The following SAMD12 variants were observed in gnomAD, a reference collection of about 807,000 sequenced individuals.
SAMD12 encodes the protein sterile alpha motif domain-containing protein 12.
In SAMD12, 9 loss-of-function variants were observed where a neutral mutation model predicts 15.0. The observed-to-expected ratio is 0.60, with a 90% CI of 0.36 to 1.05. SAMD12 has a LOEUF of 1.05. Ranked by LOEUF, SAMD12 falls within the 50% of genes least tolerant of loss-of-function variation. The pLI, the probability that SAMD12 is intolerant of heterozygous loss-of-function variation, is 0.01. For missense variants in SAMD12, 230 were observed against 234.2 expected (o/e 0.98, Z 0.12); for synonymous variants, 86 against 90.1 (o/e 0.96, Z 0.25).
chr8:118,358,091 G>A (rs956465460), intron 4 of SAMD12, among the ~76,000 whole-genome samples: 2 of 152,200 alleles, frequency 1.3e-5, no homozygotes, highest in Non-Finnish European at 2.9e-5. Flanking sequence ...GCTGCAGTGA[G>A]CTGTGACTGC....
intron 4 of SAMD12, among the ~76,000 whole-genome samples, chr8:118,219,180 A>G (rs1014015341): frequency 6.6e-6 from 1 of 152,114 alleles, no homozygotes; most frequent in Non-Finnish European, 1.5e-5. Context: ...ATACACGTCT[A>G]TGACGTGCAT....
At chr8:118,269,631 T>A (rs1459311562) in intron 4 of SAMD12, among the ~76,000 whole-genome samples, 1 of 152,182 alleles carries the variant, frequency 6.6e-6, no homozygotes, top group African/African-American at 2.4e-5. Context: ...TCTGTCATGC[T>A]CTATTACAGC....
intron 3 of SAMD12, among the ~76,000 whole-genome samples, chr8:118,383,784 C>T (rs1282762317): frequency 6.6e-6 from 1 of 152,140 alleles, no homozygotes; most frequent in Non-Finnish European, 1.5e-5. Context: ...TTACTCCCTG[C>T]CTTTTACTCT....
intron 2 of SAMD12, among the ~76,000 whole-genome samples, chr8:118,538,465 GC>G (rs1327249735): frequency 1.3e-5 from 2 of 152,178 alleles, no homozygotes; most frequent in African/African-American, 4.8e-5. Context: ...CTCCATTAGG[GC>G]TGGTTTAAAT....
At chr8:118,188,333 A>T (rs534116680), downstream of SAMD12, among the ~76,000 whole-genome samples, 113 of 152,304 alleles carry the variant, frequency 7.4e-4, no homozygotes, top group African/African-American at 2.5e-3. Context: ...ACTGACAAAA[A>T]GGTGGCTCCA....
At position 118,378,914 on chromosome 8, in the gene SAMD12, A is replaced by G. The variant is rs750130255; in HGVS notation, c.*503T>C. On this transcript the variant is annotated 3_prime_UTR_variant, in exon 4 of 4. Coordinates refer to ENST00000314727, the MANE Select transcript of SAMD12 (RefSeq NM_207506.3). ...ATTTATAATTCCTGTTAAGAATTATATACTCTTAACAGTGTAGTTTTAGAT... is the reference window on the plus strand; with the variant it reads ...ATTTATAATTCCTGTTAAGAATTATGTACTCTTAACAGTGTAGTTTTAGAT... 7.5e-5 allele frequency: 70 copies of G among 936,476 alleles called. No homozygotes were observed. Among genetic ancestry groups the G allele is most frequent in the South Asian group, 1.5e-4 (3 of 20,402 alleles). The allele number at this position is 936,476 out of a possible 1,614,324, so 58.0% of individuals were successfully genotyped here.
At chr8:118,249,276 T>A (rs1452240077) in intron 4 of SAMD12, among the ~76,000 whole-genome samples, 1 of 152,196 alleles carries the variant, frequency 6.6e-6, no homozygotes, top group Non-Finnish European at 1.5e-5. Flanking sequence ...CTTCCATTAC[T>A]GCTCATTGTG....
chr8:118,190,765 A>C (rs1563685692), exon 5 of SAMD12: 1 of 152,224 alleles, frequency 6.6e-6, no homozygotes, highest in African/African-American at 2.4e-5. Flanking sequence ...CCATCTGCTA[A>C]GGAGGGACAG....
chr8:118,400,977 C>T (rs1820841353), intron 3 of SAMD12, among the ~76,000 whole-genome samples: 1 of 152,202 alleles, frequency 6.6e-6, no homozygotes, highest in Non-Finnish European at 1.5e-5. Context: ...TCAAATGTTA[C>T]AACTTCACTA....
chr8:118,294,395 TAA>T lies in SAMD12; in HGVS notation c.433+85163_433+85164del, dbSNP rs1188636065. On this transcript the variant is annotated intron_variant, in intron 4 of 4. Transcript: ENST00000409003. ...TGCGGCGTCATCAGCAAATGGAACA[TAA>T]AGTTAATTGTTTCACCAGAGGAAGA... is the stretch of plus-strand genomic sequence containing the variant. 2.0e-5 allele frequency among the ~76,000 whole-genome samples: 3 copies of T among 152,324 alleles called. No homozygotes were observed. The South Asian group carries it at 6.2e-4, about 32-fold the overall frequency.
chr8:118,498,304 A>C (rs1824684931), intron 2 of SAMD12, among the ~76,000 whole-genome samples: 2 of 152,220 alleles, frequency 1.3e-5, no homozygotes, highest in African/African-American at 4.8e-5. Context: ...GTCCATTATT[A>C]TGGTATAAAA....
intron 2 of SAMD12, among the ~76,000 whole-genome samples, chr8:118,559,141 T>C (rs965617022): frequency 9.2e-5 from 14 of 152,216 alleles, no homozygotes; most frequent in African/African-American, 3.4e-4. Context: ...TTAGGAATTA[T>C]TCAGCTTATA....
intron 4 of SAMD12, among the ~76,000 whole-genome samples, chr8:118,250,261 C>G (rs1173801350): frequency 6.6e-6 from 1 of 152,036 alleles, no homozygotes; most frequent in Non-Finnish European, 1.5e-5. Flanking sequence ...CATCAAATAC[C>G]AGCTTACCAG....
At chr8:118,538,222 G>C (rs556461539) in intron 2 of SAMD12, among the ~76,000 whole-genome samples, 1 of 152,136 alleles carries the variant, frequency 6.6e-6, no homozygotes, top group Non-Finnish European at 1.5e-5. Context: ...CTCTGGGATT[G>C]GGGAGGGGTG....
At chr8:118,175,074 G>A in the SAMD12 span, among the ~76,000 whole-genome samples, 1 of 150,782 alleles carries the variant, frequency 6.6e-6, no homozygotes, top group Admixed American at 6.6e-5. Flanking sequence ...AAACCGGGAG[G>A]CATCATATTA....
At chr8:118,487,863 T>A (rs1260946486) in intron 2 of SAMD12, among the ~76,000 whole-genome samples, 1 of 152,196 alleles carries the variant, frequency 6.6e-6, no homozygotes, top group Non-Finnish European at 1.5e-5. Context: ...CTTTATAACT[T>A]GAAAGACAGA....
intron 2 of SAMD12, among the ~76,000 whole-genome samples, chr8:118,472,301 G>A (rs60928928): frequency 0.022 from 3,269 of 149,424 alleles, 116 homozygotes; most frequent in African/African-American, 0.076. Context: ...AAAAAAAAAA[G>A]AGTACAAGTA....
At chr8:118,284,469 A>G in intron 4 of SAMD12, 1 of 412,598 alleles carries the variant, frequency 2.4e-6, no homozygotes, top group Non-Finnish European at 4.9e-6. Context: ...TTTAATCTTC[A>G]TACACAAAGA....
intron 4 of SAMD12, among the ~76,000 whole-genome samples, chr8:118,264,075 C>T (rs1348499498): frequency 6.6e-6 from 1 of 152,106 alleles, no homozygotes; most frequent in Non-Finnish European, 1.5e-5. Flanking sequence ...TCATGTCCAA[C>T]TTTCTTACTC....
Sources: gnomAD v4.1 joint callset for allele counts (sites outside exome capture counted in the v4.1 genomes callset) on GRCh38, gnomAD v4.1.1 for gene constraint, MANE v1.5 for transcripts, NCBI Gene and HGNC (gene_info 2026-07-23, HGNC 2026-07-21) for gene names.